Variants in EIF2S1 observed in about 807,000 individuals in gnomAD.
EIF2S1 encodes eukaryotic translation initiation factor 2 subunit alpha.
In EIF2S1, 5 loss-of-function variants were observed where a neutral mutation model predicts 33.5. The observed-to-expected ratio is 0.15, with a 90% confidence interval of 0.08 to 0.31. The LOEUF (loss-of-function observed/expected upper bound fraction) is 0.31, where lower values mean the gene tolerates loss of function less well. EIF2S1 is among the 10% of genes least tolerant of loss of function. The pLI is 1.00. For synonymous variants in EIF2S1, 99 were observed against 127.5 expected (o/e 0.78, Z 1.51); for missense variants, 191 against 384.6 (o/e 0.50, Z 4.21).
chr14:67,365,122 T>A, intron 2 of EIF2S1, 114 bp downstream of exon 2: 3 of 1,143,130 alleles, frequency 2.6e-6, no homozygotes, highest in Non-Finnish European at 3.6e-6. Context: ...CTTTTATACT[T>A]AAACCTTTTA....
Position 67,383,867 on chromosome 14 carries a change from G to T in EIF2S1, c.*427G>T, listed in dbSNP as rs2085903744. On this transcript the variant is annotated 3_prime_UTR_variant, in exon 8 of 8. Transcript: ENST00000256383. Reference sequence around the variant, plus strand: ...AAATTTCTGGGATATTTAACTATAGGCTTCTTCCTTCTTGTCACCAGTTAA... The same window carrying T: ...AAATTTCTGGGATATTTAACTATAGTCTTCTTCCTTCTTGTCACCAGTTAA... 4.4e-6 allele frequency: 1 copy of T among 227,158 alleles called. No homozygotes were observed. Among genetic ancestry groups the T allele is most frequent in the South Asian group, 5.9e-5 (1 of 16,958 alleles). 14.1% of individuals were successfully genotyped at this position (227,158 alleles called of 1,614,324 possible).
chr14:67,383,455 G>A lies in EIF2S1; in HGVS notation c.*15G>A, dbSNP rs776938540. On this transcript the variant is annotated 3_prime_UTR_variant, in exon 8 of 8. Coordinates refer to ENST00000256383, the MANE Select transcript of EIF2S1 (RefSeq NM_004094.5). ...CTGAAGATTAACTTTGTGGGAAACA[G>A]AGTCCAATTTAAGGAACACAGAGCA... 1.2e-6 allele frequency: 2 copies of A among 1,611,950 alleles called. No homozygotes were observed. Among genetic ancestry groups the A allele is most frequent in the Middle Eastern group, 1.7e-4 (1 of 6,050 alleles).
chr14:67,376,070 T>A (rs987904652), intron 3 of EIF2S1, among the ~76,000 whole-genome samples: 5 of 152,228 alleles, frequency 3.3e-5, no homozygotes, highest in African/African-American at 1.2e-4. Context: ...TTTATCGTGA[T>A]TCTCTCCTCA....
At chr14:67,372,657 C>T (rs899780403) in intron 2 of EIF2S1, among the ~76,000 whole-genome samples, 2 of 151,842 alleles carry the variant, frequency 1.3e-5, no homozygotes, top group South Asian at 2.1e-4. Context: ...GGTGAAACCC[C>T]GTCTCTACTA....
At chr14:67,382,843 A>G (rs1555347731) in intron 7 of EIF2S1, among the ~76,000 whole-genome samples, 1 of 152,112 alleles carries the variant, frequency 6.6e-6, no homozygotes, top group Non-Finnish European at 1.5e-5. Flanking sequence ...AATTGGAGAA[A>G]AAAAAAGTTG....
intron 1 of EIF2S1, chr14:67,364,139 A>G (rs12588458): frequency 0.28 from 43,078 of 152,134 alleles, 9,956 homozygotes; most frequent in African/African-American, 0.61. Flanking sequence ...ATTGGGGATA[A>G]GAGAAGCTAG....
At chr14:67,363,087 A>G (rs2085753084) in intron 1 of EIF2S1, among the ~76,000 whole-genome samples, 1 of 152,174 alleles carries the variant, frequency 6.6e-6, no homozygotes, top group Admixed American at 6.5e-5. Flanking sequence ...TCACTGGTCA[A>G]ATGTCTTGCA....
chr14:67,385,867 C>G lies in EIF2S1; in HGVS notation c.*2427C>G, dbSNP rs1248634573. On this transcript the variant is annotated 3_prime_UTR_variant, in exon 8 of 8. Transcript: ENST00000256383. The stretch of plus-strand genomic sequence containing the variant: ...TGGACCCATAGAGACATGCTAAGCA[C>G]TACATCATGCTAAGAAGAACAGTTA... The G allele has an allele frequency of 6.6e-6, 1 of 152,130 alleles. No homozygotes were observed. Among genetic ancestry groups the G allele is most frequent in the African/African-American group, 2.4e-5 (1 of 41,422 alleles). 9.4% of individuals were successfully genotyped at this position (152,130 alleles called of 1,614,324 possible). A position where few individuals can be genotyped will look rare whatever the true frequency, so the allele number is the denominator to read the frequency against.
Position 67,385,454 on chromosome 14 carries a change from A to C in EIF2S1, c.*2014A>C, listed in dbSNP as rs1980817. The C allele has an allele frequency of 0.15, 23,195 of 150,382 alleles. 3,412 individuals are homozygous for C. The highest frequency in any genetic ancestry group is 0.41 in the East Asian group (2,095 of 5,078). The allele number at this position is 150,382 out of a possible 1,614,324, so 9.3% of individuals were successfully genotyped here. A position where few individuals can be genotyped will look rare whatever the true frequency, so the allele number is the denominator to read the frequency against. ...GACCCTGTCTCAAAAAAAAAAAAAA[A>C]AACCAAAAATCTTGAATCTCCCATC... On this transcript the variant is annotated 3_prime_UTR_variant, in exon 8 of 8. Transcript: ENST00000256383.
intron 2 of EIF2S1, among the ~76,000 whole-genome samples, chr14:67,365,689 C>T (rs915930673): frequency 7.2e-5 from 11 of 152,116 alleles, no homozygotes; most frequent in African/African-American, 2.7e-4. Flanking sequence ...TTTCAGCCAT[C>T]TTACTATAAT....
At chr14:67,368,652 G>A (rs2085797459) in intron 2 of EIF2S1, among the ~76,000 whole-genome samples, 2 of 143,336 alleles carry the variant, frequency 1.4e-5, no homozygotes, top group South Asian at 4.6e-4. Context: ...AGATCTATAT[G>A]ATTCTTAACG....
At chr14:67,367,626 C>T (rs868067440) in intron 2 of EIF2S1, among the ~76,000 whole-genome samples, 5 of 138,542 alleles carry the variant, frequency 3.6e-5, no homozygotes, top group Middle Eastern at 3.4e-3. Context: ...TGCGTGAACT[C>T]ACAAATTCAA....
rs751413049 is a variant in EIF2S1, at chr14:67,383,490, G to C, written c.*50G>C. The C allele has an allele frequency of 3.1e-6, 5 of 1,605,604 alleles. No individual in the cohort carries two copies. In the Admixed American group the frequency reaches 8.4e-5, roughly 27 times the overall value. On this transcript the variant is annotated 3_prime_UTR_variant, in exon 8 of 8. Coordinates refer to ENST00000256383, the MANE Select transcript of EIF2S1 (RefSeq NM_004094.5). Reference sequence around the variant, plus strand: ...TAAGGAACACAGAGCAGCGCTTCCTGGCTGTAAATCCTAGACTTGAAAGTT... The same window carrying C: ...TAAGGAACACAGAGCAGCGCTTCCTCGCTGTAAATCCTAGACTTGAAAGTT...
intron 2 of EIF2S1, among the ~76,000 whole-genome samples, chr14:67,372,561 T>G (rs1214490692): frequency 6.6e-6 from 1 of 152,198 alleles, no homozygotes; most frequent in Non-Finnish European, 1.5e-5. Flanking sequence ...CTGGGAGCGG[T>G]GGCTCACGCC....
At position 67,383,812 on chromosome 14, in the gene EIF2S1, A is replaced by G. The variant is rs1194743067; in HGVS notation, c.*372A>G. 2 of 265,424 alleles carry G rather than the reference A, an allele frequency of 7.5e-6. No homozygotes were observed. Among genetic ancestry groups the G allele is most frequent in the South Asian group, 4.1e-5 (1 of 24,448 alleles). 16.4% of individuals were successfully genotyped at this position (265,424 alleles called of 1,614,324 possible). ...CAAGGCAAACAATCCCAATCTTTCT[A>G]TATAAAATGTATTCAAGCAAACATC... On this transcript the variant is annotated 3_prime_UTR_variant, in exon 8 of 8. Coordinates refer to ENST00000256383, the MANE Select transcript of EIF2S1 (RefSeq NM_004094.5).
chr14:67,372,062 C>T (rs181002737), intron 2 of EIF2S1, among the ~76,000 whole-genome samples: 38 of 151,650 alleles, frequency 2.5e-4, no homozygotes, highest in African/African-American at 9.2e-4. Flanking sequence ...CCCAGGAGTT[C>T]GAGACCAGCC....
intron 5 of EIF2S1, 140 bp downstream of exon 5, chr14:67,380,905 TAAG>T (rs1434472312): frequency 2.2e-5 from 10 of 455,898 alleles, no homozygotes; most frequent in Middle Eastern, 5.7e-4. Context: ...AACAAAAGCT[TAAG>T]AAATTATTTT....
chr14:67,374,840 G>C (rs141306589), intron 3 of EIF2S1, among the ~76,000 whole-genome samples: 240 of 152,298 alleles, frequency 1.6e-3, no homozygotes, highest in African/African-American at 5.5e-3. Flanking sequence ...TGAGCTTCAA[G>C]TGATCCTTGA....
rs750836034 is a variant in EIF2S1 at position 67,381,617 on chromosome 14, A to T, written c.605A>T (p.Tyr202Phe). The T allele has an allele frequency of 6.2e-7, 1 of 1,613,648 alleles. No individual in the cohort carries two copies. The highest frequency in any genetic ancestry group is 8.5e-7 in the Non-Finnish European group (1 of 1,179,770). Reference protein sequence around the residue: ...RADIEVACYGYEGIDAVKEAL... With the variant: ...RADIEVACYGFEGIDAVKEAL... ...GATATTGAAGTGGCTTGTTATGGTTATGAAGGCATTGATGCTGTAAAAGAA... is the reference window on the plus strand; with the variant it reads ...GATATTGAAGTGGCTTGTTATGGTTTTGAAGGCATTGATGCTGTAAAAGAA... Residue 202 changes from tyrosine to phenylalanine, a missense_variant, in exon 6 of 8, where the codon TAT becomes TTT. By Grantham distance (22) the Tyr-to-Phe change is conservative (BLOSUM62 3). Transcript: ENST00000256383.
Sources: gnomAD v4.1 joint callset for allele counts (sites outside exome capture counted in the v4.1 genomes callset) on GRCh38, gnomAD v4.1.1 for gene constraint, MANE v1.5 for transcripts, NCBI Gene and HGNC (gene_info 2026-07-23, HGNC 2026-07-21) for gene names.